The following ARHGAP32 variants were observed in gnomAD, a reference collection of about 807,000 sequenced individuals.
ARHGAP32 encodes Rho GTPase activating protein 32.
ARHGAP32 carries 51 observed loss-of-function variants against 186.5 expected under a neutral mutation model. That is an observed-to-expected ratio of 0.27 (90% CI 0.22 to 0.35). ARHGAP32 has a LOEUF of 0.35. Ranked by LOEUF, ARHGAP32 falls within the 10% of genes least tolerant of loss-of-function variation. The pLI, the probability that ARHGAP32 is intolerant of heterozygous loss-of-function variation, is 1.00. For missense variants in ARHGAP32, 2,186 were observed against 2,623.5 expected (o/e 0.83, Z 3.64); for synonymous variants, 950 against 964.3 (o/e 0.99, Z 0.27).
At chr11:128,996,371 AT>A (rs1360176705) in intron 12 of ARHGAP32, among the ~76,000 whole-genome samples, 1 of 152,150 alleles carries the variant, frequency 6.6e-6, no homozygotes, top group East Asian at 1.9e-4. Context: ...TATCCAAAAA[AT>A]GATTATATTT....
chr11:129,063,337 T>TC (rs2135143692), intron 9 of ARHGAP32, among the ~76,000 whole-genome samples: 1 of 152,308 alleles, frequency 6.6e-6, no homozygotes, highest in South Asian at 2.1e-4. Flanking sequence ...GCATTTTTTT[T>TC]CTCTCATTAG....
chr11:129,027,945 T>C (rs1298717479), intron 11 of ARHGAP32, among the ~76,000 whole-genome samples: 1 of 152,150 alleles, frequency 6.6e-6, no homozygotes, highest in Non-Finnish European at 1.5e-5. Context: ...ATATCGGAAA[T>C]GGCCAAAAGC....
chr11:129,023,332 G>A (rs1938684227), intron 11 of ARHGAP32, among the ~76,000 whole-genome samples: 1 of 152,160 alleles, frequency 6.6e-6, no homozygotes, highest in South Asian at 2.1e-4. Context: ...CATACTTGAA[G>A]GGAAAAGGCC....
intron 5 of ARHGAP32, among the ~76,000 whole-genome samples, chr11:129,099,917 C>A (rs1356484475): frequency 6.6e-6 from 1 of 152,046 alleles, no homozygotes; most frequent in Non-Finnish European, 1.5e-5. Flanking sequence ...AGCTGGGAAC[C>A]CTGCATGGGG....
chr11:129,071,300 A>AC (rs1792880421), intron 6 of ARHGAP32, among the ~76,000 whole-genome samples: 1 of 152,060 alleles, frequency 6.6e-6, no homozygotes, highest in Admixed American at 6.6e-5. Context: ...GATTGGGAAA[A>AC]AATACATCTT....
intron 1 of ARHGAP32, among the ~76,000 whole-genome samples, chr11:129,223,764 A>G (rs1163890377): frequency 6.6e-6 from 1 of 152,206 alleles, no homozygotes; most frequent in Non-Finnish European, 1.5e-5. Flanking sequence ...AGAGAGAGCC[A>G]AAGAGATTTC....
At chr11:129,146,545 C>A (rs1943170488) in intron 2 of ARHGAP32, among the ~76,000 whole-genome samples, 1 of 152,066 alleles carries the variant, frequency 6.6e-6, no homozygotes, top group African/African-American at 2.4e-5. Flanking sequence ...GATAAACAAT[C>A]TCACTGTAAA....
chr11:129,194,494 A>G (rs1162557312), upstream of ARHGAP32, among the ~76,000 whole-genome samples: 1 of 152,214 alleles, frequency 6.6e-6, no homozygotes, highest in Non-Finnish European at 1.5e-5. Flanking sequence ...GAAAGGGGTA[A>G]AAGTATAGGG....
At chr11:129,072,207 C>T (rs1940890667) in intron 6 of ARHGAP32, among the ~76,000 whole-genome samples, 1 of 152,130 alleles carries the variant, frequency 6.6e-6, no homozygotes, top group African/African-American at 2.4e-5. Flanking sequence ...ATTCTTCCCA[C>T]AGAGGTATTT....
chr11:129,142,750 G>T (rs1291293125), intron 2 of ARHGAP32, among the ~76,000 whole-genome samples: 1 of 151,472 alleles, frequency 6.6e-6, no homozygotes, highest in East Asian at 1.9e-4. Context: ...ATATGCATGG[G>T]GAAAGTATAA....
intron 5 of ARHGAP32, among the ~76,000 whole-genome samples, chr11:129,113,768 T>C (rs1942290145): frequency 6.6e-6 from 1 of 152,118 alleles, no homozygotes; most frequent in Non-Finnish European, 1.5e-5. Context: ...ACAAACATTG[T>C]CTTCTCCCTG....
intron 11 of ARHGAP32, among the ~76,000 whole-genome samples, chr11:129,005,285 AG>A (rs1184190261): frequency 1.3e-5 from 2 of 152,162 alleles, no homozygotes; most frequent in Non-Finnish European, 2.9e-5. Context: ...ACTTAAGAGC[AG>A]TTTACACACC....
chr11:129,196,317 G>C (rs1944389431), upstream of ARHGAP32, among the ~76,000 whole-genome samples: 1 of 152,060 alleles, frequency 6.6e-6, no homozygotes, highest in Non-Finnish European at 1.5e-5. Flanking sequence ...AAAATACTCA[G>C]GGAAAAAAGA....
At chr11:129,181,309 T>A (rs1322333009) in intron 1 of ARHGAP32, among the ~76,000 whole-genome samples, 1 of 152,144 alleles carries the variant, frequency 6.6e-6, no homozygotes, top group African/African-American at 2.4e-5. Context: ...GGTTTGTTAG[T>A]CAATTTTTGT....
intron 11 of ARHGAP32, among the ~76,000 whole-genome samples, chr11:129,016,886 T>C (rs1030928036): frequency 3.3e-5 from 5 of 152,242 alleles, no homozygotes; most frequent in Non-Finnish European, 4.4e-5. Flanking sequence ...CTTATGTCCT[T>C]CAATAAATTG....
At chr11:129,269,829 C>A (rs1293332589) in intron 1 of ARHGAP32, among the ~76,000 whole-genome samples, 1 of 152,174 alleles carries the variant, frequency 6.6e-6, no homozygotes, top group African/African-American at 2.4e-5. Flanking sequence ...ACCACACACC[C>A]ATAAGTATGG....
At chr11:129,160,888 C>T (rs1448494654) in intron 2 of ARHGAP32, among the ~76,000 whole-genome samples, 11 of 152,132 alleles carry the variant, frequency 7.2e-5, no homozygotes, top group African/African-American at 1.9e-4. Flanking sequence ...GGAGGCATCA[C>T]GCTACCTGAC....
At chr11:129,047,036 G>A (rs921946667) in intron 10 of ARHGAP32, among the ~76,000 whole-genome samples, 3 of 151,758 alleles carry the variant, frequency 2.0e-5, no homozygotes, top group Admixed American at 6.6e-5. Flanking sequence ...GCTGAGGCAG[G>A]AGAATGGTGT....
Position 128,972,400 on chromosome 11 carries a change from A to G in ARHGAP32, c.4053+53T>C. ...TAACAACACACCCTGCTGAAAAGTG[A>G]CATACCTTTGGTAATAGTATATTTC... On this transcript the variant is annotated intron_variant, in intron 22 of 22. Transcript: ENST00000682385. 2.0e-6 allele frequency: 3 copies of G among 1,484,720 alleles called. No individual in the cohort carries two copies. In the South Asian group the frequency reaches 4.6e-5, roughly 23 times the overall value. 92.0% of individuals were successfully genotyped at this position (1,484,720 alleles called of 1,614,324 possible). A position where few individuals can be genotyped will look rare whatever the true frequency, so the allele number is the denominator to read the frequency against.
Sources: gnomAD v4.1 joint callset for allele counts (sites outside exome capture counted in the v4.1 genomes callset) on GRCh38, gnomAD v4.1.1 for gene constraint, MANE v1.5 for transcripts, NCBI Gene and HGNC (gene_info 2026-07-23, HGNC 2026-07-21) for gene names.